The following AGBL4 variants were observed in gnomAD, a reference collection of about 807,000 sequenced individuals.
AGBL4 encodes the protein cytosolic carboxypeptidase 6.
A neutral mutation model predicts 66.4 loss-of-function variants in AGBL4; 58 were observed. The ratio of observed to expected loss-of-function variants is 0.87; its 90% confidence interval spans 0.71 to 1.09. The LOEUF (loss-of-function observed/expected upper bound fraction) is 1.09, where lower values mean the gene tolerates loss of function less well. Among genes scored for constraint, AGBL4 ranks in the 50% least tolerant of loss-of-function variants. The probability of loss-of-function intolerance (pLI) is 0.00; values close to 1 mark genes in which losing one functional copy is unlikely to be tolerated. For synonymous variants in AGBL4, 234 were observed against 222.9 expected (o/e 1.05, Z -0.44); for missense variants, 579 against 631.0 (o/e 0.92, Z 0.88).
intron 1 of AGBL4, among the ~76,000 whole-genome samples, chr1:49,971,907 GT>G (rs745772850): frequency 0.042 from 981 of 23,442 alleles, 106 homozygotes; most frequent in African/African-American, 0.13. Context: ...GTTTTTTTGG[GT>G]TTTTTTTTTT....
intron 5 of AGBL4, among the ~76,000 whole-genome samples, chr1:48,978,675 T>C (rs1476328439): frequency 6.6e-6 from 1 of 152,182 alleles, no homozygotes; most frequent in East Asian, 1.9e-4. Context: ...TCTCCTTTAG[T>C]CCTCCATCCT....
At chr1:48,984,938 G>A (rs923966853) in intron 5 of AGBL4, among the ~76,000 whole-genome samples, 1 of 152,042 alleles carries the variant, frequency 6.6e-6, no homozygotes, top group Admixed American at 6.6e-5. Flanking sequence ...GGAGTAGAGA[G>A]AGATTAGGAT....
intron 3 of AGBL4, among the ~76,000 whole-genome samples, chr1:49,477,044 C>A (rs978339396): frequency 6.6e-6 from 1 of 152,040 alleles, no homozygotes; most frequent in African/African-American, 2.4e-5. Flanking sequence ...GTCAGATAGG[C>A]CACACTAAAA....
chr1:49,718,957 T>G (rs1199089013), intron 2 of AGBL4, among the ~76,000 whole-genome samples: 1 of 152,120 alleles, frequency 6.6e-6, no homozygotes, highest in East Asian at 1.9e-4. Context: ...CTGAAAACTA[T>G]CTTAAGTTAT....
chr1:49,378,620 A>G (rs1644522778), intron 3 of AGBL4, among the ~76,000 whole-genome samples: 2 of 152,130 alleles, frequency 1.3e-5, no homozygotes, highest in Non-Finnish European at 2.9e-5. Flanking sequence ...CTGCACATTA[A>G]GAATAAGAAG....
At chr1:49,033,963 T>A (rs1487816076) in intron 5 of AGBL4, among the ~76,000 whole-genome samples, 1 of 151,938 alleles carries the variant, frequency 6.6e-6, no homozygotes, top group Non-Finnish European at 1.5e-5. Flanking sequence ...AGTCCCACCC[T>A]ACCCCTGATC....
chr1:48,865,007 C>T (rs567589862), intron 6 of AGBL4, among the ~76,000 whole-genome samples: 1 of 151,998 alleles, frequency 6.6e-6, no homozygotes, highest in Admixed American at 6.6e-5. Flanking sequence ...CAGATTAAGG[C>T]TTTCAAATTC....
chr1:49,687,395 T>C (rs1646806032), intron 3 of AGBL4, among the ~76,000 whole-genome samples: 1 of 152,160 alleles, frequency 6.6e-6, no homozygotes, highest in Non-Finnish European at 1.5e-5. Flanking sequence ...ATGAACTTAA[T>C]AATAGGAATA....
intron 2 of AGBL4, among the ~76,000 whole-genome samples, chr1:49,718,536 G>T (rs893212396): frequency 1.3e-5 from 2 of 151,730 alleles, no homozygotes; most frequent in Non-Finnish European, 2.9e-5. Flanking sequence ...AACATAAACG[G>T]GTCAAAATGA....
chr1:49,853,224 T>G (rs1377595766), intron 1 of AGBL4, among the ~76,000 whole-genome samples: 1 of 152,102 alleles, frequency 6.6e-6, no homozygotes, highest in Non-Finnish European at 1.5e-5. Flanking sequence ...CTTAATATGT[T>G]AAAGGCTGTA....
chr1:49,175,726 G>T lies in AGBL4; in HGVS notation c.377+70044C>A, dbSNP rs182884391. On this transcript the variant is annotated intron_variant, in intron 4 of 13. Transcript: ENST00000371839. ...AAAAGATATCCATCAACTGACCAGG[G>T]TCTACAGGGTATATTATAAGTTGAA... is the stretch of plus-strand genomic sequence containing the variant. 3.9e-5 allele frequency among the ~76,000 whole-genome samples: 6 copies of T among 152,210 alleles called. No individual in the cohort carries two copies. The East Asian group carries it at 9.6e-4, about 24-fold the overall frequency.
At chr1:49,536,578 C>T (rs551781796) in intron 3 of AGBL4, among the ~76,000 whole-genome samples, 4 of 152,124 alleles carry the variant, frequency 2.6e-5, no homozygotes, top group African/African-American at 7.2e-5. Context: ...ACGGTACCAA[C>T]AAAAGCCCAA....
intron 4 of AGBL4, among the ~76,000 whole-genome samples, chr1:49,102,523 C>G (rs1278544710): frequency 6.6e-6 from 1 of 152,092 alleles, no homozygotes; most frequent in Non-Finnish European, 1.5e-5. Flanking sequence ...AGTAAAATTT[C>G]TGGACTCACT....
chr1:48,829,723 A>G (rs982344309), intron 6 of AGBL4, among the ~76,000 whole-genome samples: 20 of 152,214 alleles, frequency 1.3e-4, no homozygotes, highest in African/African-American at 4.8e-4. Flanking sequence ...GCAGGAAAAA[A>G]AAAACCCACA....
chr1:49,859,434 A>G (rs376447651), intron 1 of AGBL4, among the ~76,000 whole-genome samples: 193 of 152,290 alleles, frequency 1.3e-3, no homozygotes, highest in African/African-American at 4.5e-3. Flanking sequence ...AACATTCAGA[A>G]ATCAATTAAT....
At chr1:50,020,814 G>A (rs1295810085) in intron 1 of AGBL4, among the ~76,000 whole-genome samples, 5 of 152,132 alleles carry the variant, frequency 3.3e-5, no homozygotes, top group East Asian at 1.9e-4. Flanking sequence ...AGTACAATGC[G>A]TGGTACAAAA....
At chr1:49,879,264 T>G (rs1647133771) in intron 1 of AGBL4, among the ~76,000 whole-genome samples, 1 of 150,986 alleles carries the variant, frequency 6.6e-6, no homozygotes, top group South Asian at 2.1e-4. Context: ...CTCGATGGTC[T>G]TTACATTTTG....
chr1:48,761,614 C>G, intron 6 of AGBL4: 1 of 820,784 alleles, frequency 1.2e-6, no homozygotes, highest in East Asian at 2.7e-5. Context: ...AAGGCTGGTT[C>G]CCTCTTGCAT....
At chr1:49,123,325 T>C (rs1387896536) in intron 4 of AGBL4, among the ~76,000 whole-genome samples, 1 of 152,168 alleles carries the variant, frequency 6.6e-6, no homozygotes, top group Non-Finnish European at 1.5e-5. Flanking sequence ...TTTAGAAAAT[T>C]TGTGGTTAGT....
Sources: gnomAD v4.1 joint callset for allele counts (sites outside exome capture counted in the v4.1 genomes callset) on GRCh38, gnomAD v4.1.1 for gene constraint, MANE v1.5 for transcripts, NCBI Gene and HGNC (gene_info 2026-07-23, HGNC 2026-07-21) for gene names.